The following PCDHGA4 variants were observed in gnomAD, a reference collection of about 807,000 sequenced individuals.
The protein encoded by PCDHGA4 is protocadherin gamma-A4.
A neutral mutation model predicts 54.6 loss-of-function variants in PCDHGA4; 38 were observed. That is an observed-to-expected ratio of 0.70 (90% CI 0.54 to 0.91). The LOEUF is 0.91. Among genes scored for constraint, PCDHGA4 ranks in the 40% least tolerant of loss-of-function variants. The pLI, the probability that PCDHGA4 is intolerant of heterozygous loss-of-function variation, is 0.00. For synonymous variants in PCDHGA4, 511 were observed against 512.9 expected (o/e 1.00, Z 0.05); for missense variants, 1,298 against 1,220.9 (o/e 1.06, Z -0.94).
intron 1 of PCDHGA4, chr5:141,375,945 T>C (rs770100512): frequency 1.2e-6 from 2 of 1,613,448 alleles, no homozygotes; most frequent in Non-Finnish European, 8.5e-7. Context: ...TCAGTGGGCC[T>C]GCACACGGGC....
chr5:141,421,251 G>C (rs771398829), intron 1 of PCDHGA4: 1 of 1,606,888 alleles, frequency 6.2e-7, no homozygotes, highest in Non-Finnish European at 8.5e-7. Context: ...TACAGCGCGG[G>C]GACCGCAGTC....
At chr5:141,472,620 A>G (rs2099290656) in intron 1 of PCDHGA4, among the ~76,000 whole-genome samples, 1 of 152,136 alleles carries the variant, frequency 6.6e-6, no homozygotes, top group Admixed American at 6.5e-5. Context: ...AGAAGAAAAA[A>G]GATAAAGACT....
At chr5:141,441,680 C>T in intron 1 of PCDHGA4, 1 of 295,840 alleles carries the variant, frequency 3.4e-6, no homozygotes, top group South Asian at 2.8e-5. Context: ...GCGCCTTCGA[C>T]CAAGAGCAGC....
chr5:141,384,787 C>T (rs761655907), intron 1 of PCDHGA4: 32 of 1,613,552 alleles, frequency 2.0e-5, no homozygotes, highest in Non-Finnish European at 2.4e-5. Flanking sequence ...GCGCACGGCT[C>T]GGGCCCTGCT....
chr5:141,482,917 C>CA (rs761402624), intron 1 of PCDHGA4, among the ~76,000 whole-genome samples: 5 of 152,042 alleles, frequency 3.3e-5, no homozygotes, highest in Non-Finnish European at 7.4e-5. Context: ...ATTAAAAATA[C>CA]AAAAAATTAG....
chr5:141,434,992 C>A (rs2097735368), intron 1 of PCDHGA4, among the ~76,000 whole-genome samples: 1 of 151,902 alleles, frequency 6.6e-6, no homozygotes, highest in Non-Finnish European at 1.5e-5. Context: ...ATATCATTTT[C>A]TAGCTGAATT....
chr5:141,421,348 G>C lies in PCDHGA4; in HGVS notation c.2514+63727G>C, dbSNP rs202220769. On this transcript the variant is annotated intron_variant, in intron 1 of 3. Coordinates refer to ENST00000571252, the MANE Select transcript of PCDHGA4 (RefSeq NM_018917.4). ...CCGATATTCGGTGCCAGAAGAGACC[G>C]AAAAGGGCTCCTTCGTGGGCAATAT... 9.1e-5 allele frequency: 147 copies of C among 1,613,862 alleles called. No individual in the cohort carries two copies. Among genetic ancestry groups the C allele is most frequent in the Non-Finnish European group, 1.1e-4 (125 of 1,179,904 alleles).
At chr5:141,398,942 G>A (rs748252181) in intron 1 of PCDHGA4, 2 of 1,613,884 alleles carry the variant, frequency 1.2e-6, no homozygotes, top group South Asian at 1.1e-5. Context: ...CAAGACGAGG[G>A]CATCAACTCA....
At position 141,357,243 on chromosome 5, in the gene PCDHGA4, A is replaced by G. The variant is rs1301532002; in HGVS notation, c.2136A>G (p.Ser712=). The G allele has an allele frequency of 6.2e-7, 1 of 1,613,644 alleles. No individual in the cohort carries two copies. Among genetic ancestry groups the G allele is most frequent in the African/African-American group, 1.3e-5 (1 of 74,902 alleles). The change falls in exon 1 of 4, where the codon TCA becomes TCG. Residue 712 remains serine, a synonymous_variant. Transcript: ENST00000571252. ...VLADLGSLKP[S]ADPDDSGLTL... is the part of the protein sequence containing the mutation. ...CTGACTTGGGCAGCCTCAAGCCTTC[A>G]GCAGACCCAGACGACTCGGGCCTCA...
At chr5:141,361,864 A>G in intron 1 of PCDHGA4, 2 of 1,611,862 alleles carry the variant, frequency 1.2e-6, no homozygotes, top group Non-Finnish European at 1.7e-6. Context: ...CCTCTTCGAT[A>G]TGGTGCCACG....
In PCDHGA4 at chr5:141,491,801, G is replaced by C; in HGVS notation, c.2515-3006G>C. 1 of 1,500,844 alleles carries C rather than the reference G, an allele frequency of 6.7e-7. No individual in the cohort carries two copies. Among genetic ancestry groups the C allele is most frequent in the Non-Finnish European group, 8.9e-7 (1 of 1,125,292 alleles). The allele number at this position is 1,500,844 out of a possible 1,614,324, so 93.0% of individuals were successfully genotyped here. The stretch of plus-strand genomic sequence containing the variant: ...AACTTGCATCCACTCCTCTCCGGCC[G>C]GCTTGGTCGCTGGCTGCGCTCCACC... On this transcript the variant is annotated intron_variant, in intron 1 of 3. Coordinates refer to ENST00000571252, the MANE Select transcript of PCDHGA4 (RefSeq NM_018917.4). The surrounding 1 kb of genome is among the most constrained non-coding windows in gnomAD (Gnocchi z 6.9).
intron 1 of PCDHGA4, among the ~76,000 whole-genome samples, chr5:141,401,496 C>T (rs909382274): frequency 6.6e-6 from 1 of 152,190 alleles, no homozygotes; most frequent in African/African-American, 2.4e-5. Context: ...GATGCAAAAT[C>T]CTTTTCCACC....
chr5:141,468,229 G>A (rs1363462610), intron 1 of PCDHGA4, among the ~76,000 whole-genome samples: 4 of 150,884 alleles, frequency 2.7e-5, no homozygotes, highest in Non-Finnish European at 5.9e-5. Flanking sequence ...GGAGGATGAG[G>A]TAGGAGAATT....
intron 1 of PCDHGA4, among the ~76,000 whole-genome samples, chr5:141,488,190 G>A (rs1162264945): frequency 1.3e-5 from 2 of 152,164 alleles, no homozygotes; most frequent in African/African-American, 4.8e-5. Flanking sequence ...CTTTTGGTCT[G>A]GGTCTTAGGA....
Position 141,485,567 on chromosome 5 carries a change from C to G in PCDHGA4, c.2515-9240C>G. The stretch of plus-strand genomic sequence containing the variant: ...CGTAGATGTGAATGATCACGCCCCC[C>G]GTTTTCCGCGGCAGCAGCTGGACTT... On this transcript the variant is annotated intron_variant, in intron 1 of 3. Transcript: ENST00000571252. This position sits in a 1 kb window ranked among gnomAD's most constrained non-coding sequence, Gnocchi z 5.7. 1 of 1,612,882 alleles carries G rather than the reference C, an allele frequency of 6.2e-7. No individual in the cohort carries two copies. The highest frequency in any genetic ancestry group is 8.5e-7 in the Non-Finnish European group (1 of 1,178,978).
At chr5:141,361,264 G>A (rs761311465) in intron 1 of PCDHGA4, 1 of 1,613,878 alleles carries the variant, frequency 6.2e-7, no homozygotes, top group African/African-American at 1.3e-5. Context: ...CAGAGACTCT[G>A]GAGAAAATGG....
At chr5:141,474,892 A>G (rs1419975508) in intron 1 of PCDHGA4, among the ~76,000 whole-genome samples, 1 of 152,208 alleles carries the variant, frequency 6.6e-6, no homozygotes, top group Non-Finnish European at 1.5e-5. Context: ...TTAGAGGTTC[A>G]TTTCTTGTTC....
At chr5:141,364,493 G>C in intron 1 of PCDHGA4, 2 of 1,614,018 alleles carry the variant, frequency 1.2e-6, no homozygotes, top group Non-Finnish European at 1.7e-6. Context: ...CCTTGGGCTG[G>C]AGCCCCAGGA....
At chr5:141,470,858 TTTTG>T (rs775688955) in intron 1 of PCDHGA4, among the ~76,000 whole-genome samples, 79 of 151,956 alleles carry the variant, frequency 5.2e-4, no homozygotes, top group Non-Finnish European at 3.5e-4. Context: ...CAGATAAGTT[TTTTG>T]TTTGTTTGTT....
Sources: allele counts gnomAD v4.1 joint callset (sites outside exome capture counted in the v4.1 genomes callset), GRCh38; gene constraint gnomAD v4.1.1; non-coding constraint Gnocchi (gnomAD v3.1); transcripts MANE v1.5; gene names NCBI Gene and HGNC (gene_info 2026-07-23, HGNC 2026-07-21).